The following SLA2 variants were observed in gnomAD, a reference collection of about 807,000 sequenced individuals.
SLA2 encodes Src like adaptor 2.
In SLA2, 22 loss-of-function variants were observed where a neutral mutation model predicts 27.3. The ratio of observed to expected loss-of-function variants is 0.81; its 90% CI spans 0.58 to 1.15. The LOEUF (loss-of-function observed/expected upper bound fraction) is 1.15. SLA2 is among the 50% of genes most tolerant of loss of function. The pLI is 0.00. For missense variants in SLA2, 304 were observed against 322.2 expected, an observed-to-expected ratio of 0.94 and a Z score of 0.43; for synonymous variants, 131 against 137.8, an observed-to-expected ratio of 0.95 and a Z score of 0.34.
At chr20:36,642,191 A>AGTCTG (rs1437374988) in intron 1 of SLA2, among the ~76,000 whole-genome samples, 4 of 104,378 alleles carry the variant, frequency 3.8e-5, no homozygotes, top group Non-Finnish European at 5.8e-5. Context: ...AAAAAAAAAA[A>AGTCTG]AAAAAAGGAC....
At chr20:36,624,418 C>A (rs1053754873) in intron 5 of SLA2, among the ~76,000 whole-genome samples, 1 of 152,096 alleles carries the variant, frequency 6.6e-6, no homozygotes, top group African/African-American at 2.4e-5. Context: ...GTCCTCTGAA[C>A]GCTGCTTTGT....
chr20:36,618,146 CAA>C (rs1222101095), intron 5 of SLA2, among the ~76,000 whole-genome samples: 10 of 64,614 alleles, frequency 1.5e-4, no homozygotes, highest in Non-Finnish European at 2.0e-4. Flanking sequence ...GACTCCGTCT[CAA>C]AAAAAAAAAA....
intron 5 of SLA2, chr20:36,621,450 GT>G (rs202148495): frequency 4.4e-4 from 208 of 469,416 alleles, no homozygotes; most frequent in Admixed American, 1.6e-3. Flanking sequence ...CTATAGTGTT[GT>G]TTTTTTTTTG....
chr20:36,618,255 T>C (rs947857248), intron 5 of SLA2, among the ~76,000 whole-genome samples: 4 of 152,012 alleles, frequency 2.6e-5, no homozygotes, highest in African/African-American at 9.7e-5. Context: ...TAGTGGGATA[T>C]TAATATCAGA....
intron 2 of SLA2, among the ~76,000 whole-genome samples, chr20:36,637,624 CTTTTTT>C (rs36100264): frequency 3.7e-5 from 3 of 80,944 alleles, no homozygotes; most frequent in Admixed American, 3.7e-4. Flanking sequence ...GTGAAGTTTG[CTTTTTT>C]TTTTTTTTTT....
chr20:36,633,680 G>A (rs749124811), intron 3 of SLA2, 51 bp from the exon 4 acceptor site: 24 of 1,483,514 alleles, frequency 1.6e-5, no homozygotes, highest in South Asian at 3.4e-5. Context: ...CCAAGGCCCC[G>A]ACAACCACAC....
In SLA2 at chr20:36,640,609, C is replaced by T. The variant is rs561397925; in HGVS notation, c.91+636G>A. Among the ~76,000 whole-genome samples the T allele has an allele frequency of 7.7e-3, 1,172 of 151,774 alleles. 12 individuals are homozygous for T. The highest frequency in any genetic ancestry group is 0.019 in the South Asian group (90 of 4,790). ...TCGGCTCACTGCAACCTCTGCCTCC[C>T]GGGTTCAAGTGATTCTCTTGCCTCA... On this transcript the variant is annotated intron_variant, in intron 2 of 7. Transcript: ENST00000262866.
chr20:36,645,731 G>A (rs969994617), intron 1 of SLA2, 106 bp downstream of exon 1: 1 of 152,130 alleles, frequency 6.6e-6, no homozygotes. Context: ...CCTTGAGCTT[G>A]TTTTTTTCCC....
At chr20:36,619,670 A>C (rs1600818317) in intron 5 of SLA2, among the ~76,000 whole-genome samples, 1 of 142,438 alleles carries the variant, frequency 7.0e-6, no homozygotes, top group Admixed American at 7.2e-5. Context: ...TCGCTCTCTC[A>C]CCCAGGCTGG....
intron 2 of SLA2, among the ~76,000 whole-genome samples, chr20:36,637,016 C>A (rs1243512006): frequency 3.3e-5 from 5 of 151,748 alleles, no homozygotes; most frequent in Non-Finnish European, 5.9e-5. Context: ...AGATTAATAC[C>A]TTGTTTGACA....
In SLA2 at chr20:36,615,246, C is replaced by A; in HGVS notation, c.511G>T (p.Ala171Ser). 1.2e-6 allele frequency: 2 copies of A among 1,614,128 alleles called. No homozygotes were observed. The highest frequency in any genetic ancestry group is 8.5e-7 in the Non-Finnish European group (1 of 1,180,040). Residue 171 changes from alanine (A) to serine (S), a missense_variant, in exon 6 of 8, where the codon GCC becomes TCC. Transcript: ENST00000262866. ...SPRLTFPSLQ[A>S]LVDHYSELAD... ...ATACCAGAGTAATGGTCCACCAGGG[C>A]CTGGAGTGAGGGGAAGGTGAGGCGC... is the stretch of plus-strand genomic sequence containing the variant.
chr20:36,612,625 G>A lies in SLA2; in HGVS notation c.*1241C>T. 7.8e-6 allele frequency: 2 copies of A among 258,024 alleles called. 1 individual carries two copies. Among genetic ancestry groups the A allele is most frequent in the South Asian group, 8.4e-5 (2 of 23,778 alleles). The allele number at this position is 258,024 out of a possible 1,614,324, so 16.0% of individuals were successfully genotyped here. ...AGCTTGGGAACCAGTAGGAGCACTG[G>A]AGGGGGTGCCTCCCACCCCATCCCT... On this transcript the variant is annotated 3_prime_UTR_variant, in exon 8 of 8. Coordinates refer to ENST00000262866, the MANE Select transcript of SLA2 (RefSeq NM_032214.4).
chr20:36,615,386 G>A lies in SLA2; in HGVS notation c.383-12C>T, dbSNP rs1426968522. Reference sequence around the variant, plus strand: ...CAGAGAGTAAGAGCCTGAGGAGAAAGGGGTCCAGGGGTGGCACTGAGGCCC... The same window carrying A: ...CAGAGAGTAAGAGCCTGAGGAGAAAAGGGTCCAGGGGTGGCACTGAGGCCC... On this transcript the variant is annotated splice_polypyrimidine_tract_variant and intron_variant, in intron 5 of 7. Coordinates refer to ENST00000262866, the MANE Select transcript of SLA2 (RefSeq NM_032214.4). 6.8e-6 allele frequency: 11 copies of A among 1,612,850 alleles called. No individual in the cohort carries two copies. The highest frequency in any genetic ancestry group is 9.3e-6 in the Non-Finnish European group (11 of 1,179,980).
intron 5 of SLA2, among the ~76,000 whole-genome samples, chr20:36,615,733 C>T (rs1229056536): frequency 6.6e-6 from 1 of 152,120 alleles, no homozygotes; most frequent in Non-Finnish European, 1.5e-5. Context: ...ACCTCCCACC[C>T]TGCTGGTGGA....
intron 2 of SLA2, among the ~76,000 whole-genome samples, chr20:36,637,179 G>A (rs1045451585): frequency 1.3e-5 from 2 of 150,406 alleles, no homozygotes; most frequent in South Asian, 2.1e-4. Context: ...TACCTCTAAG[G>A]TGCGCGTGTG....
rs1169103824 is a variant in SLA2, at chr20:36,612,435, A to G, written c.*1431T>C. 1.2e-5 allele frequency: 7 copies of G among 599,326 alleles called. No homozygotes were observed. The highest frequency in any genetic ancestry group is 2.0e-5 in the South Asian group (1 of 50,074). 37.1% of individuals were successfully genotyped at this position (599,326 alleles called of 1,614,324 possible). On this transcript the variant is annotated 3_prime_UTR_variant, in exon 8 of 8. Transcript: ENST00000262866. ...TTTTTAAACTATCAATGGCATTTCA[A>G]GTCTTCTGAAACAGCATGGCTGTAT...
intron 5 of SLA2, chr20:36,621,151 TGTG>T (rs1354085302): frequency 6.9e-6 from 3 of 434,264 alleles, no homozygotes; most frequent in South Asian, 1.9e-5. Flanking sequence ...ACGGGGCTGC[TGTG>T]GTGGTGGAGC....
chr20:36,613,770 C>A lies in SLA2; in HGVS notation c.*96G>T. On this transcript the variant is annotated 3_prime_UTR_variant, in exon 8 of 8. Coordinates refer to ENST00000262866, the MANE Select transcript of SLA2 (RefSeq NM_032214.4). Reference sequence around the variant, plus strand: ...TGCACCTCTGTGTCCCACCCTCCCTCCCTGAGTGCACAGCCTTGCCTCTGG... The same window carrying A: ...TGCACCTCTGTGTCCCACCCTCCCTACCTGAGTGCACAGCCTTGCCTCTGG... 1.7e-6 allele frequency: 1 copy of A among 583,320 alleles called. No homozygotes were observed. Among genetic ancestry groups the A allele is most frequent in the Non-Finnish European group, 2.9e-6 (1 of 347,356 alleles). 36.1% of individuals were successfully genotyped at this position (583,320 alleles called of 1,614,324 possible). A position where few individuals can be genotyped will look rare whatever the true frequency, so the allele number is the denominator to read the frequency against.
In SLA2 at chr20:36,646,074, C is replaced by G. The variant is rs1023820112; in HGVS notation, c.-281G>C. The G allele has an allele frequency of 3.3e-5, 5 of 152,346 alleles. No individual in the cohort carries two copies. The highest frequency in any genetic ancestry group is 6.5e-5 in the Admixed American group (1 of 15,278). 9.4% of individuals were successfully genotyped at this position (152,346 alleles called of 1,614,324 possible). ...GGGATGGATCAGCTGCCCCATGCTC[C>G]TTAGGGATTCTGGACTGGGGAACCC... On this transcript the variant is annotated 5_prime_UTR_variant, in exon 1 of 8. Coordinates refer to ENST00000262866, the MANE Select transcript of SLA2 (RefSeq NM_032214.4).
Sources: allele counts gnomAD v4.1 joint callset (sites outside exome capture counted in the v4.1 genomes callset), GRCh38; gene constraint gnomAD v4.1.1; transcripts MANE v1.5; gene names NCBI Gene and HGNC (gene_info 2026-07-23, HGNC 2026-07-21).